Variants in GLIS1 observed in about 807,000 individuals in gnomAD.
GLIS1 encodes the protein GLIS family zinc finger 1.
A neutral mutation model predicts 63.8 loss-of-function variants in GLIS1; 24 were observed. That is an observed-to-expected ratio of 0.38 (90% CI 0.27 to 0.53). The LOEUF is 0.53. Ranked by LOEUF, GLIS1 falls within the 20% of genes least tolerant of loss-of-function variation. The probability of loss-of-function intolerance (pLI) is 0.85; values close to 1 mark genes in which losing one functional copy is unlikely to be tolerated. For synonymous variants in GLIS1, 450 were observed against 482.5 expected, an observed-to-expected ratio of 0.93 and a Z score of 0.88; for missense variants, 1,036 against 1,074.1, an observed-to-expected ratio of 0.96 and a Z score of 0.50.
At chr1:53,674,680 C>T (rs1646192814) in intron 2 of GLIS1, among the ~76,000 whole-genome samples, 1 of 152,144 alleles carries the variant, frequency 6.6e-6, no homozygotes, top group African/African-American at 2.4e-5. Context: ...AGGGTAAAGG[C>T]ATGTTAACCT....
chr1:53,690,582 G>A (rs77860231), intron 2 of GLIS1, among the ~76,000 whole-genome samples: 7,216 of 152,276 alleles, frequency 0.047, 195 homozygotes, highest in South Asian at 0.14. Context: ...CGCAGCCTGC[G>A]CTGTCCAGTG....
intron 2 of GLIS1, among the ~76,000 whole-genome samples, chr1:53,601,769 C>G (rs1645320140): frequency 6.6e-6 from 1 of 152,188 alleles, no homozygotes; most frequent in Non-Finnish European, 1.5e-5. Context: ...AATAAGAAGC[C>G]TTTTAGAGAG....
chr1:53,662,261 C>A (rs1646036876), intron 2 of GLIS1, among the ~76,000 whole-genome samples: 1 of 152,148 alleles, frequency 6.6e-6, no homozygotes, highest in Admixed American at 6.5e-5. Context: ...CTCGGCAAAG[C>A]ACTATAAAAA....
chr1:53,703,698 T>C lies in GLIS1; in HGVS notation c.259+34108A>G, dbSNP rs563781840. ...TACTTTTCCAAATAGATCAAGGCAATAGGACAGCCCTTGACCTAAAGAGAC... is the reference window on the plus strand; with the variant it reads ...TACTTTTCCAAATAGATCAAGGCAACAGGACAGCCCTTGACCTAAAGAGAC... On this transcript the variant is annotated intron_variant, in intron 2 of 10. Transcript: ENST00000628545. 1.2e-4 allele frequency among the ~76,000 whole-genome samples: 14 copies of C among 121,540 alleles called. 1 individual carries two copies. The South Asian group carries it at 2.1e-3, about 18-fold the overall frequency. The allele number at this position is 121,540 out of a possible 152,430, so 79.7% of individuals were successfully genotyped here.
At chr1:53,711,011 C>T (rs1408005442) in intron 2 of GLIS1, among the ~76,000 whole-genome samples, 1 of 152,122 alleles carries the variant, frequency 6.6e-6, no homozygotes, top group Admixed American at 6.5e-5. Flanking sequence ...TGACTACACC[C>T]ACCCGTACCC....
At chr1:53,682,921 T>C (rs1477404299) in intron 2 of GLIS1, among the ~76,000 whole-genome samples, 1 of 152,136 alleles carries the variant, frequency 6.6e-6, no homozygotes, top group Non-Finnish European at 1.5e-5. Flanking sequence ...CGATCAACTC[T>C]GTTAGAGGCA....
At chr1:53,687,705 C>G (rs1646354520) in intron 2 of GLIS1, among the ~76,000 whole-genome samples, 1 of 152,204 alleles carries the variant, frequency 6.6e-6, no homozygotes, top group Admixed American at 6.5e-5. Flanking sequence ...TAGCATCTAG[C>G]CACCTCCTTC....
rs1644449461 is a variant in GLIS1 at position 53,524,897 on chromosome 1, G to A, written c.1483-10C>T. ...GACAGGCGTACGGCTTCTGTAACAT[G>A]GGGGGCACGGGTGGGGTGAGTGAGG... On this transcript the variant is annotated splice_polypyrimidine_tract_variant and intron_variant, in intron 5 of 10. Transcript: ENST00000628545. 2.5e-6 allele frequency: 4 copies of A among 1,593,364 alleles called. No homozygotes were observed. The South Asian group carries it at 3.3e-5, about 13-fold the overall frequency.
chr1:53,548,269 C>T (rs1441155455), intron 4 of GLIS1, among the ~76,000 whole-genome samples: 1 of 152,222 alleles, frequency 6.6e-6, no homozygotes, highest in East Asian at 1.9e-4. Flanking sequence ...TCCCTTCACA[C>T]CAACACGGGA....
intron 2 of GLIS1, among the ~76,000 whole-genome samples, chr1:53,705,807 T>C (rs923922555): frequency 6.6e-6 from 1 of 152,178 alleles, no homozygotes; most frequent in African/African-American, 2.4e-5. Context: ...TTAATTAGCC[T>C]CTGCGGAAAG....
intron 6 of GLIS1, among the ~76,000 whole-genome samples, chr1:53,522,728 G>C (rs1374961362): frequency 2.0e-5 from 3 of 152,024 alleles, no homozygotes; most frequent in Admixed American, 6.5e-5. Flanking sequence ...GGACAACAAA[G>C]TGAAACCTCT....
At chr1:53,730,221 A>G (rs1268145521) in intron 2 of GLIS1, among the ~76,000 whole-genome samples, 1 of 152,130 alleles carries the variant, frequency 6.6e-6, no homozygotes, top group Non-Finnish European at 1.5e-5. Context: ...TTGCTAGGAC[A>G]AAAGTATTCG....
At chr1:53,663,238 G>C (rs1250209552) in intron 2 of GLIS1, among the ~76,000 whole-genome samples, 1 of 152,200 alleles carries the variant, frequency 6.6e-6, no homozygotes, top group East Asian at 1.9e-4. Flanking sequence ...CTCAGGGCTT[G>C]GATCTTCTTG....
At chr1:53,690,077 G>GC (rs35399878) in intron 2 of GLIS1, among the ~76,000 whole-genome samples, 3 of 152,228 alleles carry the variant, frequency 2.0e-5, no homozygotes, top group African/African-American at 4.8e-5. Context: ...CTGGTGGCCT[G>GC]CCCCCTCTGC....
intron 2 of GLIS1, among the ~76,000 whole-genome samples, chr1:53,616,015 T>C (rs1645478845): frequency 3.9e-5 from 6 of 152,222 alleles, no homozygotes; most frequent in Admixed American, 3.9e-4. Flanking sequence ...GCCAAAGTGC[T>C]GGGATTACAG....
rs775138634 is a variant in GLIS1, at chr1:53,509,938, G to A, written c.1973C>T (p.Pro658Leu). The A allele has an allele frequency of 5.1e-5, 67 of 1,304,098 alleles. No individual in the cohort carries two copies. Among genetic ancestry groups the A allele is most frequent in the Non-Finnish European group, 6.4e-5 (65 of 1,017,758 alleles). 80.8% of individuals were successfully genotyped at this position (1,304,098 alleles called of 1,614,324 possible). A position where few individuals can be genotyped will look rare whatever the true frequency, so the allele number is the denominator to read the frequency against. Reference sequence around the variant, plus strand: ...GAGTGTGGGGAAGGGCTGGCCCCCCGGAGAATGGCTCTGAGAGGATGGGGG... The same window carrying A: ...GAGTGTGGGGAAGGGCTGGCCCCCCAGAGAATGGCTCTGAGAGGATGGGGG... ...PLPPSSQSHSPGGQPFPTLPS... is the reference protein window; with the variant it reads ...PLPPSSQSHSLGGQPFPTLPS... Residue 658 changes from proline to leucine, a missense_variant, in exon 9 of 11, where the codon CCG (proline) becomes CTG (leucine). Physicochemically the swap from Pro to Leu is moderately conservative, Grantham distance 98 (BLOSUM62 -3). This residue lies in a region of GLIS1 where 400 missense variants were observed against 400.9 expected (regional missense o/e 1.00). Coordinates refer to ENST00000628545, the MANE Select transcript of GLIS1 (RefSeq NM_001367484.1).
chr1:53,692,123 T>C (rs541053487), intron 2 of GLIS1, among the ~76,000 whole-genome samples: 137 of 152,324 alleles, frequency 9.0e-4, no homozygotes, highest in Admixed American at 2.7e-3. Flanking sequence ...AAGCTTTCTT[T>C]TCCTTCTCAT....
chr1:53,569,485 T>A (rs200799913), intron 4 of GLIS1, among the ~76,000 whole-genome samples: 8,628 of 120,818 alleles, frequency 0.071, 627 homozygotes, highest in East Asian at 0.17. Context: ...ATTTTTTTTT[T>A]TAAAAAAGCC....
intron 4 of GLIS1, among the ~76,000 whole-genome samples, chr1:53,544,360 C>G (rs1470162985): frequency 6.6e-6 from 1 of 152,172 alleles, no homozygotes; most frequent in African/African-American, 2.4e-5. Flanking sequence ...AGGGTGCAGT[C>G]CGGCCCCCGG....
Sources: allele counts gnomAD v4.1 joint callset (sites outside exome capture counted in the v4.1 genomes callset), GRCh38; gene constraint gnomAD v4.1.1; regional missense constraint gnomAD v4.1.1; transcripts MANE v1.5; gene names NCBI Gene and HGNC (gene_info 2026-07-23, HGNC 2026-07-21).